QSER1: variants seen among roughly 807,000 people sequenced by gnomAD.
QSER1 encodes the protein glutamine and serine rich 1, also known as glutamine and serine-rich protein 1.
A neutral mutation model predicts 158.5 loss-of-function variants in QSER1; 49 were observed. The observed-to-expected ratio is 0.31, with a 90% confidence interval of 0.25 to 0.39. The LOEUF is 0.39. QSER1 is among the 10% of genes least tolerant of loss of function. The probability of loss-of-function intolerance (pLI) is 1.00; values close to 1 mark genes in which losing one functional copy is unlikely to be tolerated. For missense variants in QSER1, 1,754 were observed against 2,010.3 expected (o/e 0.87, Z 2.44); for synonymous variants, 650 against 715.5 (o/e 0.91, Z 1.46).
intron 12 of QSER1, chr11:32,975,698 T>C (rs777328937): frequency 1.8e-6 from 2 of 1,099,426 alleles, no homozygotes; most frequent in African/African-American, 3.3e-5. Context: ...GACATCTCAC[T>C]GCCTTACTTA....
intron 4 of QSER1, among the ~76,000 whole-genome samples, chr11:32,950,226 C>G (rs898063905): frequency 5.3e-5 from 8 of 152,082 alleles, no homozygotes; most frequent in African/African-American, 1.4e-4. Context: ...TCCCGAGTAG[C>G]TGAGATTACA....
intron 1 of QSER1, among the ~76,000 whole-genome samples, chr11:32,903,035 G>A (rs910984530): frequency 1.3e-5 from 2 of 152,168 alleles, no homozygotes; most frequent in African/African-American, 4.8e-5. Flanking sequence ...GGATTAAATA[G>A]AATTGGCAAA....
At chr11:32,939,948 ATTTTT>A (rs35359579) in intron 4 of QSER1, among the ~76,000 whole-genome samples, 4 of 124,380 alleles carry the variant, frequency 3.2e-5, no homozygotes. Context: ...GAAGACTGAG[ATTTTT>A]TTTTTTTTTT....
rs1194422695 is a variant in QSER1 at position 32,951,359 on chromosome 11, A to C, written c.4178-2498A>C. On this transcript the variant is annotated intron_variant, in intron 4 of 12. Coordinates refer to ENST00000650167, the MANE Select transcript of QSER1 (RefSeq NM_001076786.3). ...TTTATGGTAAGTTTTGAAATTGAGAAATGTCAGTCTGCCAACTTTGTTCTT... is the reference window on the plus strand; with the variant it reads ...TTTATGGTAAGTTTTGAAATTGAGACATGTCAGTCTGCCAACTTTGTTCTT... Among the ~76,000 whole-genome samples, 6 of 152,210 alleles carry C rather than the reference A, an allele frequency of 3.9e-5. No homozygotes were observed. In the East Asian group the frequency reaches 1.2e-3, roughly 29 times the overall value.
Position 32,976,730 on chromosome 11 carries a change from G to A in QSER1, c.*256G>A. 2.9e-6 allele frequency: 1 copy of A among 348,160 alleles called. No homozygotes were observed. The highest frequency in any genetic ancestry group is 4.8e-5 in the South Asian group (1 of 20,794). The allele number at this position is 348,160 out of a possible 1,614,324, so 21.6% of individuals were successfully genotyped here. On this transcript the variant is annotated 3_prime_UTR_variant, in exon 13 of 13. Coordinates refer to ENST00000650167, the MANE Select transcript of QSER1 (RefSeq NM_001076786.3). ...TATTTTGTAAACCATTGGGTAACTT[G>A]AGTCATATTTTCAGAAACATTTTTT...
chr11:32,971,178 A>G (rs1405819325), intron 10 of QSER1, among the ~76,000 whole-genome samples: 3 of 152,088 alleles, frequency 2.0e-5, no homozygotes, highest in African/African-American at 7.2e-5. Flanking sequence ...TCTGCCTCCC[A>G]AAGTGCTGGG....
chr11:32,931,530 AGTAAG>A (rs1271860128), intron 3 of QSER1, among the ~76,000 whole-genome samples: 2 of 151,860 alleles, frequency 1.3e-5, no homozygotes, highest in African/African-American at 4.9e-5. Context: ...TGGGCAACAG[AGTAAG>A]ACCCTGTCTC....
intron 4 of QSER1, among the ~76,000 whole-genome samples, chr11:32,941,794 G>A (rs1852241951): frequency 6.6e-6 from 1 of 151,912 alleles, no homozygotes; most frequent in Non-Finnish European, 1.5e-5. Flanking sequence ...CTAGATCCCT[G>A]AGCAATCGCC....
Position 32,933,564 on chromosome 11 carries a change from C to T in QSER1, c.2306C>T (p.Thr769Ile). 2 of 1,613,932 alleles carry T rather than the reference C, an allele frequency of 1.2e-6. No homozygotes were observed. Among genetic ancestry groups the T allele is most frequent in the Non-Finnish European group, 1.7e-6 (2 of 1,179,922 alleles). Residue 769 changes from threonine to isoleucine, a missense_variant, in exon 4 of 13, where the codon ACA (threonine) becomes ATA (isoleucine). Around this residue, in one of 2 missense-constraint regions of QSER1, gnomAD observed 1,707 missense variants for 1,919.6 expected, o/e 0.89. Coordinates refer to ENST00000650167, the MANE Select transcript of QSER1 (RefSeq NM_001076786.3). ...KKEESVVGSV[T>I]QLNQQIGQVN... ...GAAGAAAGTGTTGTTGGTTCAGTGACACAACTTAACCAACAAATTGGCCAA... is the reference window on the plus strand; with the variant it reads ...GAAGAAAGTGTTGTTGGTTCAGTGATACAACTTAACCAACAAATTGGCCAA...
chr11:32,957,272 G>A (rs1852535858), intron 7 of QSER1, among the ~76,000 whole-genome samples: 1 of 151,468 alleles, frequency 6.6e-6, no homozygotes, highest in Admixed American at 6.6e-5. Flanking sequence ...CTCCCGAGTA[G>A]CTGGGACTAC....
chr11:32,955,483 A>G (rs925866402), intron 6 of QSER1, 71 bp downstream of exon 6: 1 of 725,650 alleles, frequency 1.4e-6, no homozygotes. Context: ...ATTTAAATAT[A>G]GAAGTATTTT....
In QSER1 at chr11:32,934,338, A is replaced by C. The variant is rs1476819548; in HGVS notation, c.3080A>C (p.His1027Pro). 6.2e-7 allele frequency: 1 copy of C among 1,613,884 alleles called. No homozygotes were observed. The highest frequency in any genetic ancestry group is 8.5e-7 in the Non-Finnish European group (1 of 1,179,998). ...TTTCAGCAGTCATTAGATGTCAGGC[A>C]TGTGACTTCAGATTTTAACTCTATG... ...SHFQQSLDVR[H>P]VTSDFNSMTA... The change falls in exon 4 of 13, where the codon CAT (histidine) becomes CCT (proline). Residue 1027 changes from histidine (H) to proline (P), a missense_variant. By Grantham distance (77) the His-to-Pro change is moderately conservative (BLOSUM62 -2). Coordinates refer to ENST00000650167, the MANE Select transcript of QSER1 (RefSeq NM_001076786.3).
chr11:32,921,278 A>G (rs1424158452), intron 1 of QSER1, among the ~76,000 whole-genome samples: 2 of 152,220 alleles, frequency 1.3e-5, no homozygotes, highest in Admixed American at 1.3e-4. Context: ...AGTTTTTATG[A>G]GTTATTTTGA....
intron 1 of QSER1, among the ~76,000 whole-genome samples, chr11:32,896,346 A>ATTTAT (rs989712172): frequency 1.3e-5 from 2 of 152,196 alleles, no homozygotes; most frequent in South Asian, 2.1e-4. Flanking sequence ...AAATAGGTTT[A>ATTTAT]TTTATTTTAT....
rs1298615242 is a variant in QSER1, at chr11:32,953,914, C to T, written c.4235C>T (p.Thr1412Ile). 2 of 1,614,020 alleles carry T rather than the reference C, an allele frequency of 1.2e-6. No homozygotes were observed. Among genetic ancestry groups the T allele is most frequent in the East Asian group, 2.2e-5 (1 of 44,900 alleles). The change falls in exon 5 of 13, where the codon ACT (threonine) becomes ATT (isoleucine). Residue 1412 changes from threonine to isoleucine, a missense_variant. Physicochemically the swap from Thr to Ile is moderately conservative, Grantham distance 89. Around this residue, in one of 2 missense-constraint regions of QSER1, gnomAD observed 1,707 missense variants for 1,919.6 expected, o/e 0.89. Coordinates refer to ENST00000650167, the MANE Select transcript of QSER1 (RefSeq NM_001076786.3). Reference sequence around the variant, plus strand: ...GCCAATACTACTGGTACTGCTACTACTTCCTCAACCACTGTGGGTGCAGTT... The same window carrying T: ...GCCAATACTACTGGTACTGCTACTATTTCCTCAACCACTGTGGGTGCAGTT... Reference protein sequence around the residue: ...PTANTTGTATTSSTTVGAVKQ... With the variant: ...PTANTTGTATISSTTVGAVKQ...
At chr11:32,920,160 G>A (rs1851882865) in intron 1 of QSER1, among the ~76,000 whole-genome samples, 1 of 152,144 alleles carries the variant, frequency 6.6e-6, no homozygotes, top group African/African-American at 2.4e-5. Flanking sequence ...TTGCTTCTGG[G>A]CTCTGTCCGC....
At chr11:32,954,891 G>T (rs1406135627) in intron 5 of QSER1, among the ~76,000 whole-genome samples, 1 of 152,190 alleles carries the variant, frequency 6.6e-6, no homozygotes, top group African/African-American at 2.4e-5. Flanking sequence ...GTGCAGTGAA[G>T]AATCCAACAT....
intron 1 of QSER1, among the ~76,000 whole-genome samples, chr11:32,919,559 C>T (rs757340582): frequency 3.9e-5 from 6 of 152,156 alleles, no homozygotes; most frequent in Non-Finnish European, 7.4e-5. Flanking sequence ...ATACTATCAA[C>T]GTGATTTATC....
intron 1 of QSER1, among the ~76,000 whole-genome samples, chr11:32,917,502 T>G (rs1851847670): frequency 1.3e-5 from 2 of 152,258 alleles, no homozygotes; most frequent in Admixed American, 1.3e-4. Context: ...AAATGTAATC[T>G]TTATCCCATT....
Sources: allele counts gnomAD v4.1 joint callset (sites outside exome capture counted in the v4.1 genomes callset), GRCh38; gene constraint gnomAD v4.1.1; regional missense constraint gnomAD v4.1.1; transcripts MANE v1.5; gene names NCBI Gene and HGNC (gene_info 2026-07-23, HGNC 2026-07-21).